KSR1: variants seen among roughly 807,000 people sequenced by gnomAD.
The protein encoded by KSR1 is kinase suppressor of ras.
In KSR1, 35 loss-of-function variants were observed where a neutral mutation model predicts 92.9. The ratio of observed to expected loss-of-function variants is 0.38; its 90% confidence interval spans 0.29 to 0.50. The LOEUF is 0.50. KSR1 is among the 20% of genes least tolerant of loss of function. The probability of loss-of-function intolerance (pLI) is 0.94; values close to 1 mark genes in which losing one functional copy is unlikely to be tolerated. For missense variants in KSR1, 972 were observed against 1,158.5 expected, an observed-to-expected ratio of 0.84 and a Z score of 2.34; for synonymous variants, 467 against 472.6, an observed-to-expected ratio of 0.99 and a Z score of 0.15.
chr17:27,584,304 G>A (rs926680817), intron 4 of KSR1, among the ~76,000 whole-genome samples: 2 of 152,112 alleles, frequency 1.3e-5, no homozygotes, highest in African/African-American at 4.8e-5. Flanking sequence ...TCTTTGGAAC[G>A]GGCCTGATCC....
chr17:27,518,445 G>A (rs2069887361), intron 1 of KSR1, among the ~76,000 whole-genome samples: 1 of 152,148 alleles, frequency 6.6e-6, no homozygotes, highest in Non-Finnish European at 1.5e-5. Flanking sequence ...CTTTCTTTTG[G>A]AAAGTGTAGC....
intron 3 of KSR1, chr17:27,579,039 C>T (rs976638067): frequency 1.3e-5 from 2 of 152,214 alleles, no homozygotes; most frequent in Non-Finnish European, 2.9e-5. Flanking sequence ...AGAGGAGGCC[C>T]CTGAAGAAGA....
Position 27,625,042 on chromosome 17 carries a change from C to T in KSR1, c.*1650C>T, listed in dbSNP as rs534926681. The T allele has an allele frequency of 2.6e-5, 4 of 152,476 alleles. No individual in the cohort carries two copies. Among genetic ancestry groups the T allele is most frequent in the East Asian group, 1.9e-4 (1 of 5,180 alleles). The allele number at this position is 152,476 out of a possible 1,614,324, so 9.4% of individuals were successfully genotyped here. On this transcript the variant is annotated 3_prime_UTR_variant, in exon 21 of 21. Transcript: ENST00000644974. ...GTCTGTGTGGGGAGGCTGTAAACCC[C>T]GTGGATTCAGCTCCGTGTGGAGTTT...
Position 27,572,257 on chromosome 17 carries a change from T to C in KSR1, c.373-5235T>C, listed in dbSNP as rs143700879. Among the ~76,000 whole-genome samples, 47 of 152,354 alleles carry C rather than the reference T, an allele frequency of 3.1e-4. 1 individual carries two copies. The highest frequency in any genetic ancestry group is 5.3e-4 in the Non-Finnish European group (36 of 68,024). On this transcript the variant is annotated intron_variant, in intron 2 of 20. Transcript: ENST00000644974. ...GCAGAGGCAGGGAGCCAATGATCTC[T>C]GATGCTGTCACTCTGCTCCTCATTC... is the stretch of plus-strand genomic sequence containing the variant.
At chr17:27,589,964 A>G (rs2073105827) in intron 6 of KSR1, among the ~76,000 whole-genome samples, 1 of 152,202 alleles carries the variant, frequency 6.6e-6, no homozygotes, top group Admixed American at 6.5e-5. Flanking sequence ...TTTTTACTCA[A>G]ATACTGCATA....
chr17:27,526,094 T>TTCTTTCTTTCTTTCTTTCTCTCTCTC (rs55706224), intron 1 of KSR1, among the ~76,000 whole-genome samples: 4 of 118,396 alleles, frequency 3.4e-5, no homozygotes, highest in African/African-American at 1.4e-4. Flanking sequence ...CTTTCTTTCT[T>TTCTTTCTTTCTTTCTTTCTCTCTCTC]TCTCTCTCTC....
At chr17:27,468,347 T>C (rs2019808964) in intron 1 of KSR1, among the ~76,000 whole-genome samples, 1 of 151,962 alleles carries the variant, frequency 6.6e-6, no homozygotes, top group African/African-American at 2.4e-5. Flanking sequence ...ACAATTCTCC[T>C]GCCTCTGCCT....
At chr17:27,460,527 C>A in intron 1 of KSR1, among the ~76,000 whole-genome samples, 1 of 152,144 alleles carries the variant, frequency 6.6e-6, no homozygotes, top group East Asian at 1.9e-4. Flanking sequence ...GTGGTAGGTG[C>A]AGAGTCAGGC....
At chr17:27,495,785 T>C (rs1010167615) in intron 1 of KSR1, among the ~76,000 whole-genome samples, 5 of 152,234 alleles carry the variant, frequency 3.3e-5, no homozygotes, top group African/African-American at 1.2e-4. Context: ...TTCAGTTTAC[T>C]TGTAGCTGTC....
intron 1 of KSR1, among the ~76,000 whole-genome samples, chr17:27,539,206 G>A (rs2070868610): frequency 6.6e-6 from 1 of 152,250 alleles, no homozygotes; most frequent in African/African-American, 2.4e-5. Flanking sequence ...TGTTGTGATT[G>A]AGGGGTTGAG....
Position 27,456,536 on chromosome 17 carries a change from A to C in KSR1, c.-108A>C. ...GCTCTACCGGCGTCCCGGCTCGGGC[A>C]GCGCCGAGGGGCGCTCCTGGTCCAG... On this transcript the variant is annotated 5_prime_UTR_variant, in exon 1 of 21. Transcript: ENST00000644974. The C allele has an allele frequency of 1.5e-5, 6 of 404,100 alleles. No individual in the cohort carries two copies. The highest frequency in any genetic ancestry group is 1.7e-4 in the South Asian group (2 of 12,078). The allele number at this position is 404,100 out of a possible 1,614,324, so 25.0% of individuals were successfully genotyped here.
In KSR1 at chr17:27,597,269, A is replaced by T. The variant is rs550788838; in HGVS notation, c.1301A>T (p.Glu434Val). 11 of 1,581,580 alleles carry T rather than the reference A, an allele frequency of 7.0e-6. No individual in the cohort carries two copies. The East Asian group carries it at 1.9e-4, about 27-fold the overall frequency. ...GTLPKALTKK[E>V]HPPAMNHLDS... ...TTCCCAACATCTCTGGTCCTGCAGG[A>T]GCACCCTCCGGCCATGAATCACCTG... The change falls in exon 10 of 21, where the codon GAG (glutamate) becomes GTG (valine). Residue 434 changes from glutamate to valine, a missense_variant and splice_region_variant. Glu to Val is a moderately radical substitution (Grantham distance 121). Coordinates refer to ENST00000644974, the MANE Select transcript of KSR1 (RefSeq NM_001394583.1).
intron 1 of KSR1, among the ~76,000 whole-genome samples, chr17:27,503,749 G>A (rs1298766724): frequency 1.3e-5 from 2 of 152,192 alleles, no homozygotes; most frequent in Non-Finnish European, 2.9e-5. Context: ...AACTTTTAGT[G>A]CTCATGTGAT....
chr17:27,460,393 C>CA (rs1177136636), intron 1 of KSR1, among the ~76,000 whole-genome samples: 1 of 152,190 alleles, frequency 6.6e-6, no homozygotes, highest in Non-Finnish European at 1.5e-5. Context: ...CAGGCTCTGC[C>CA]ATGCTGAGTC....
At chr17:27,515,124 A>G (rs1263765895) in intron 1 of KSR1, among the ~76,000 whole-genome samples, 1 of 152,250 alleles carries the variant, frequency 6.6e-6, no homozygotes, top group Non-Finnish European at 1.5e-5. Flanking sequence ...TGGATAAAAT[A>G]GATAGGAAAC....
At chr17:27,503,102 A>G (rs543239691) in intron 1 of KSR1, among the ~76,000 whole-genome samples, 26 of 152,216 alleles carry the variant, frequency 1.7e-4, no homozygotes, top group African/African-American at 6.3e-4. Flanking sequence ...ACTGTCTCTT[A>G]AGAGAGTTCT....
intron 2 of KSR1, among the ~76,000 whole-genome samples, chr17:27,551,382 G>A (rs2151091715): frequency 6.6e-6 from 1 of 152,204 alleles, no homozygotes; most frequent in East Asian, 1.9e-4. Flanking sequence ...GGCAGGCATG[G>A]TTCACCCAGT....
chr17:27,595,036 C>T lies in KSR1; in HGVS notation c.1300-2232C>T, dbSNP rs150948580. ...CAGTGGATCCAGCTCCCACTTCTAG[C>T]TTGGCACCACATGATGTCAACTATC... On this transcript the variant is annotated intron_variant, in intron 9 of 20. Transcript: ENST00000644974. Among the ~76,000 whole-genome samples the T allele has an allele frequency of 1.3e-3, 194 of 152,336 alleles. 1 individual carries two copies. The highest frequency in any genetic ancestry group is 4.4e-3 in the African/African-American group (184 of 41,562).
At chr17:27,542,657 G>T (rs2151070080) in intron 1 of KSR1, among the ~76,000 whole-genome samples, 1 of 152,278 alleles carries the variant, frequency 6.6e-6, no homozygotes, top group East Asian at 1.9e-4. Flanking sequence ...CCTGGGTGGG[G>T]TATAATCCAA....
Sources: allele counts gnomAD v4.1 joint callset (sites outside exome capture counted in the v4.1 genomes callset), GRCh38; gene constraint gnomAD v4.1.1; transcripts MANE v1.5; gene names NCBI Gene and HGNC (gene_info 2026-07-23, HGNC 2026-07-21).